The following STK32B variants were observed in gnomAD, a reference collection of about 807,000 sequenced individuals.
The protein encoded by STK32B is serine/threonine kinase 32B.
Under a neutral mutation model 52.6 loss-of-function variants are expected in STK32B, and 43 were observed. That is an observed-to-expected ratio of 0.82 (90% CI 0.64 to 1.05). The LOEUF (loss-of-function observed/expected upper bound fraction) is 1.05, where lower values mean the gene tolerates loss of function less well. STK32B is among the 50% of genes least tolerant of loss of function. STK32B has a pLI of 0.00. For missense variants in STK32B, 621 were observed against 534.6 expected (o/e 1.16, Z -1.59); for synonymous variants, 238 against 204.3 (o/e 1.17, Z -1.41).
chr4:5,190,980 A>G (rs1020448133), intron 3 of STK32B, among the ~76,000 whole-genome samples: 3 of 152,176 alleles, frequency 2.0e-5, no homozygotes, highest in African/African-American at 7.2e-5. Flanking sequence ...CACTGCCTGC[A>G]CTTTTCTTCC....
chr4:5,314,567 G>A (rs1434928437), intron 3 of STK32B, among the ~76,000 whole-genome samples: 1 of 152,200 alleles, frequency 6.6e-6, no homozygotes, highest in African/African-American at 2.4e-5. Flanking sequence ...CTACTCGGGA[G>A]GCTGAGGCAG....
At chr4:5,097,910 C>G (rs1342631443) in intron 1 of STK32B, among the ~76,000 whole-genome samples, 1 of 152,168 alleles carries the variant, frequency 6.6e-6, no homozygotes, top group Non-Finnish European at 1.5e-5. Context: ...CTGGGCTAGG[C>G]TTAGATCATC....
At chr4:5,356,822 AC>A (rs1203063019) in intron 4 of STK32B, among the ~76,000 whole-genome samples, 1 of 151,754 alleles carries the variant, frequency 6.6e-6, no homozygotes, top group Non-Finnish European at 1.5e-5. Context: ...CATGGTGAAA[AC>A]CCATCTCCAC....
intron 3 of STK32B, among the ~76,000 whole-genome samples, chr4:5,180,323 T>C (rs1464171332): frequency 6.6e-6 from 1 of 152,258 alleles, no homozygotes. Flanking sequence ...GCACTTGATA[T>C]GTGTCTTACT....
chr4:5,344,691 A>C (rs1380527298), intron 4 of STK32B, among the ~76,000 whole-genome samples: 1 of 138,494 alleles, frequency 7.2e-6, no homozygotes, highest in Non-Finnish European at 1.5e-5. Context: ...ACTTTGTCAG[A>C]ATTTTTTTTT....
intron 3 of STK32B, among the ~76,000 whole-genome samples, chr4:5,238,756 C>G (rs995512133): frequency 2.6e-5 from 4 of 152,186 alleles, no homozygotes; most frequent in Non-Finnish European, 4.4e-5. Context: ...TTCATTCCTT[C>G]ACTCACTCAC....
chr4:5,466,415 G>C (rs1169573060), intron 9 of STK32B, among the ~76,000 whole-genome samples: 1 of 152,202 alleles, frequency 6.6e-6, no homozygotes, highest in Non-Finnish European at 1.5e-5. Context: ...TTCGAAAACT[G>C]AACTCAGCCT....
chr4:5,413,466 G>C (rs1350942273), intron 5 of STK32B, among the ~76,000 whole-genome samples: 1 of 152,142 alleles, frequency 6.6e-6, no homozygotes, highest in East Asian at 1.9e-4. Flanking sequence ...CCTTGTGGTC[G>C]CAAATAGCTT....
At chr4:5,078,532 G>C (rs528114779) in intron 1 of STK32B, among the ~76,000 whole-genome samples, 1 of 152,174 alleles carries the variant, frequency 6.6e-6, no homozygotes, top group Non-Finnish European at 1.5e-5. Context: ...TAAGTTCTGG[G>C]GGTCTAGAAT....
At chr4:5,163,538 CTGTGTG>C (rs3077842) in intron 2 of STK32B, among the ~76,000 whole-genome samples, 14,323 of 139,290 alleles carry the variant, frequency 0.1, 947 homozygotes, top group African/African-American at 0.21. Flanking sequence ...AGAGTGAAGG[CTGTGTG>C]TGTGTGTGTG....
intron 1 of STK32B, among the ~76,000 whole-genome samples, chr4:5,088,233 A>G (rs745875522): frequency 6.6e-6 from 1 of 152,118 alleles, no homozygotes; most frequent in Non-Finnish European, 1.5e-5. Context: ...AAATGAAAAC[A>G]CAGCATATCA....
intron 1 of STK32B, among the ~76,000 whole-genome samples, chr4:5,102,882 C>T (rs1258692778): frequency 4.3e-5 from 4 of 92,052 alleles, no homozygotes; most frequent in Admixed American, 1.1e-4. Flanking sequence ...TCCCTCCCTT[C>T]TTTCCTTCCT....
At chr4:5,149,788 A>G (rs1375455265) in intron 2 of STK32B, among the ~76,000 whole-genome samples, 1 of 151,894 alleles carries the variant, frequency 6.6e-6, no homozygotes. Context: ...GCTGTTAAAA[A>G]TTAGGAGGAA....
chr4:5,287,286 CTCTT>C (rs139691910), intron 3 of STK32B, among the ~76,000 whole-genome samples: 1,803 of 152,256 alleles, frequency 0.012, 33 homozygotes, highest in African/African-American at 0.042. Flanking sequence ...TTGTCAGTCA[CTCTT>C]TCTTTAGCCA....
In STK32B at chr4:5,178,299, C is replaced by A. The variant is rs564663970; in HGVS notation, c.260+9849C>A. 2.6e-5 allele frequency among the ~76,000 whole-genome samples: 4 copies of A among 152,342 alleles called. No individual in the cohort carries two copies. In the South Asian group the frequency reaches 8.3e-4, roughly 32 times the overall value. On this transcript the variant is annotated intron_variant, in intron 3 of 11. Transcript: ENST00000282908. ...CTCTGAAACAACAGCCTGACCTGAA[C>A]TTTGGCCTTTCTTAGCTACAGCTGG...
chr4:5,439,551 G>T (rs1714495213), intron 6 of STK32B, among the ~76,000 whole-genome samples: 1 of 151,290 alleles, frequency 6.6e-6, no homozygotes, highest in African/African-American at 2.5e-5. Flanking sequence ...CATTTTGTAG[G>T]TTGCCTGTTC....
At chr4:5,422,368 A>G (rs1712715510) in intron 6 of STK32B, among the ~76,000 whole-genome samples, 1 of 152,200 alleles carries the variant, frequency 6.6e-6, no homozygotes, top group Non-Finnish European at 1.5e-5. Flanking sequence ...AGGCCCAGTA[A>G]CAAGTTCCCA....
At chr4:5,326,581 T>A (rs541106049) in intron 3 of STK32B, among the ~76,000 whole-genome samples, 1 of 152,312 alleles carries the variant, frequency 6.6e-6, no homozygotes, top group East Asian at 1.9e-4. Flanking sequence ...AAAAGTTATG[T>A]TTATACTACA....
chr4:5,363,917 G>A (rs924689061), intron 4 of STK32B, among the ~76,000 whole-genome samples: 2 of 151,994 alleles, frequency 1.3e-5, no homozygotes, highest in African/African-American at 4.8e-5. Flanking sequence ...GATGAAATCA[G>A]CAGTTTCAAA....
Sources: gnomAD v4.1 joint callset for allele counts (sites outside exome capture counted in the v4.1 genomes callset) on GRCh38, gnomAD v4.1.1 for gene constraint, MANE v1.5 for transcripts, NCBI Gene and HGNC (gene_info 2026-07-23, HGNC 2026-07-21) for gene names.